SRSF5: variants seen among roughly 807,000 people sequenced by gnomAD.
SRSF5 encodes the protein serine and arginine rich splicing factor 5, also known as serine/arginine-rich splicing factor 5.
Under a neutral mutation model 34.0 loss-of-function variants are expected in SRSF5, and 5 were observed. That is an observed-to-expected ratio of 0.15 (90% CI 0.08 to 0.31). The LOEUF (loss-of-function observed/expected upper bound fraction) is 0.31, where lower values mean the gene tolerates loss of function less well. SRSF5 is among the 10% of genes least tolerant of loss of function. The pLI is 1.00. For synonymous variants in SRSF5, 164 were observed against 117.7 expected, an observed-to-expected ratio of 1.39 and a Z score of -2.55; for missense variants, 223 against 351.4, an observed-to-expected ratio of 0.63 and a Z score of 2.92.
At chr14:69,771,170 C>T in intron 7 of SRSF5, 24 bp from the exon 8 acceptor site, 3 of 1,613,720 alleles carry the variant, frequency 1.9e-6, no homozygotes, top group South Asian at 1.1e-5. Context: ...CTTATCTAGG[C>T]TGATTTCTTT....
At position 69,771,556 on chromosome 14, in the gene SRSF5, C is replaced by G; in HGVS notation, c.*95C>G. ...TGCTAAAAATTCTGGTAAGTATGTG[C>G]TTTTCTGTGGGGGTGGGATTTGGAA... On this transcript the variant is annotated 3_prime_UTR_variant, in exon 8 of 8. Coordinates refer to ENST00000557154, the MANE Select transcript of SRSF5 (RefSeq NM_001320214.2). 6 of 1,222,188 alleles carry G rather than the reference C, an allele frequency of 4.9e-6. No homozygotes were observed. The highest frequency in any genetic ancestry group is 2.6e-5 in the East Asian group (1 of 37,746). 75.7% of individuals were successfully genotyped at this position (1,222,188 alleles called of 1,614,324 possible). A position where few individuals can be genotyped will look rare whatever the true frequency, so the allele number is the denominator to read the frequency against.
At chr14:69,770,428 T>G (rs1883063490) in intron 5 of SRSF5, 39 bp from the exon 6 acceptor site, 1 of 1,604,710 alleles carries the variant, frequency 6.2e-7, no homozygotes, top group Non-Finnish European at 8.5e-7. Context: ...GTGTGTCCCC[T>G]TTCCTCTTCT....
intron 5 of SRSF5, chr14:69,769,730 C>A: frequency 2.1e-6 from 3 of 1,408,132 alleles, no homozygotes; most frequent in Non-Finnish European, 2.8e-6. Flanking sequence ...GTGATCTGAT[C>A]CCTAAGTTGA....
At chr14:69,769,727 G>A in intron 5 of SRSF5, 1 of 1,416,766 alleles carries the variant, frequency 7.1e-7, no homozygotes, top group Non-Finnish European at 9.2e-7. Flanking sequence ...AACGTGATCT[G>A]ATCCCTAAGT....
In SRSF5 at chr14:69,768,197, C is replaced by G. The variant is rs149960633; in HGVS notation, c.41C>G (p.Ala14Gly). The change falls in exon 2 of 8, where the codon GCG (alanine) becomes GGG (glycine). Residue 14 changes from alanine to glycine, a missense_variant. Ala to Gly is a moderately conservative substitution (Grantham distance 60, BLOSUM62 0). This residue lies in a region of SRSF5 where 27 missense variants were observed against 90.7 expected (regional missense o/e 0.30). Transcript: ENST00000557154. ...CRVFIGRLNP[A>G]AREKDVERFF... is the part of the protein sequence containing the mutation. ...GTATTCATCGGGAGACTAAATCCAGCGGCCAGGGAGAAGGACGTGGAAAGA... is the reference window on the plus strand; with the variant it reads ...GTATTCATCGGGAGACTAAATCCAGGGGCCAGGGAGAAGGACGTGGAAAGA... 1.9e-6 allele frequency: 3 copies of G among 1,613,984 alleles called. No homozygotes were observed. Among genetic ancestry groups the G allele is most frequent in the Non-Finnish European group, 2.5e-6 (3 of 1,180,018 alleles).
At position 69,768,787 on chromosome 14, in the gene SRSF5, C is replaced by T. The variant is rs1386339037; in HGVS notation, c.198-11C>T. The stretch of plus-strand genomic sequence containing the variant: ...AAGTGTGTAACGGAGATTTTTCTTC[C>T]CTTTTTGTAGGGTTACTATTGAACA... On this transcript the variant is annotated splice_polypyrimidine_tract_variant and intron_variant, in intron 3 of 7. Coordinates refer to ENST00000557154, the MANE Select transcript of SRSF5 (RefSeq NM_001320214.2). The T allele has an allele frequency of 6.2e-7, 1 of 1,613,762 alleles. No homozygotes were observed.
At chr14:69,767,944 G>A in intron 1 of SRSF5, 194 bp from the exon 2 acceptor site, 2 of 560,030 alleles carry the variant, frequency 3.6e-6, no homozygotes, top group Non-Finnish European at 6.3e-6. Flanking sequence ...GGGCCCAGTA[G>A]CGGACCGTGT....
intron 5 of SRSF5, chr14:69,769,709 G>A: frequency 1.4e-6 from 2 of 1,452,990 alleles, no homozygotes; most frequent in Non-Finnish European, 1.8e-6. Context: ...CGATCCCAGA[G>A]CGTTGATAAC....
At chr14:69,768,705 G>C (rs758327596) in intron 3 of SRSF5, 31 bp downstream of exon 3, 1 of 1,612,124 alleles carries the variant, frequency 6.2e-7, no homozygotes, top group East Asian at 2.2e-5. Context: ...GATAACCCTG[G>C]GACATAGAGC....
intron 3 of SRSF5, 37 bp from the exon 4 acceptor site, chr14:69,768,761 T>A: frequency 6.2e-7 from 1 of 1,612,064 alleles, no homozygotes; most frequent in Non-Finnish European, 8.5e-7. Flanking sequence ...TTATGTAGCT[T>A]AAGTGTGTAA....
intron 5 of SRSF5, chr14:69,769,576 A>G: frequency 6.5e-7 from 1 of 1,535,074 alleles, no homozygotes; most frequent in Non-Finnish European, 8.7e-7. Flanking sequence ...TGTCTTGGTC[A>G]CTCTTGGTTG....
chr14:69,767,504 C>G (rs964577152), intron 1 of SRSF5: 1 of 455,890 alleles, frequency 2.2e-6, no homozygotes, highest in Non-Finnish European at 4.4e-6. Flanking sequence ...GTCTTAATGT[C>G]TTCATCTCCT....
chr14:69,768,612 G>A lies in SRSF5; in HGVS notation c.135G>A (p.Glu45=). 1 of 1,614,110 alleles carries A rather than the reference G, an allele frequency of 6.2e-7. No homozygotes were observed. The highest frequency in any genetic ancestry group is 8.5e-7 in the Non-Finnish European group (1 of 1,179,998). The change falls in exon 3 of 8, where the codon GAG becomes GAA. Residue 45 remains glutamate (E), a synonymous_variant. Transcript: ENST00000557154. ...TTATGCTTACATTTTAGGAATTTGA[G>A]GATCCAAGGGATGCAGATGATGCTG... The part of the protein sequence containing the change: ...LKRGFGFVEF[E]DPRDADDAVY...
chr14:69,770,286 G>T, intron 5 of SRSF5, 181 bp from the exon 6 acceptor site: 3 of 1,382,098 alleles, frequency 2.2e-6, no homozygotes, highest in Non-Finnish European at 2.8e-6. Context: ...TATGCTATTT[G>T]CTTATTCCGT....
rs1000320344 is a variant in SRSF5, at chr14:69,767,144, C to T, written c.-131C>T. Reference sequence around the variant, plus strand: ...GGAGCGCCAGAGCTGCTAAGTGCGTCAGTTGTGGAGTGGCGTAGACGAGTT... The same window carrying T: ...GGAGCGCCAGAGCTGCTAAGTGCGTTAGTTGTGGAGTGGCGTAGACGAGTT... On this transcript the variant is annotated 5_prime_UTR_variant, in exon 1 of 8. Transcript: ENST00000557154. 40 of 305,450 alleles carry T rather than the reference C, an allele frequency of 1.3e-4. 1 individual carries two copies. The highest frequency in any genetic ancestry group is 8.7e-4 in the South Asian group (34 of 39,110). 18.9% of individuals were successfully genotyped at this position (305,450 alleles called of 1,614,324 possible).
chr14:69,769,631 C>G, intron 5 of SRSF5: 1 of 1,534,620 alleles, frequency 6.5e-7, no homozygotes. Flanking sequence ...GATCAGTTGG[C>G]CACCTCTAGA....
intron 6 of SRSF5, 91 bp downstream of exon 6, chr14:69,770,631 G>A: frequency 8.6e-7 from 1 of 1,169,164 alleles, no homozygotes; most frequent in Non-Finnish European, 1.3e-6. Context: ...GAATATGTTA[G>A]AATGCAGAGA....
At position 69,771,385 on chromosome 14, in the gene SRSF5, C is replaced by G. The variant is rs765005080; in HGVS notation, c.743C>G (p.Ser248Cys). The G allele has an allele frequency of 3.1e-6, 5 of 1,614,218 alleles. No homozygotes were observed. The highest frequency in any genetic ancestry group is 4.2e-6 in the Non-Finnish European group (5 of 1,180,042). Residue 248 changes from serine (S) to cysteine (C), a missense_variant, in exon 8 of 8, where the codon TCT becomes TGT. Transcript: ENST00000557154. ...CAGAAACGTGGTTCTTCAAGTAGAT[C>G]TAAGTCTCCAGCATCTGTGGATCGC... ...KSQKRGSSSR[S>C]KSPASVDRQR...
rs771739275 is a variant in SRSF5, at chr14:69,771,173, ATTTCT to A, written c.552-16_552-12del. The A allele has an allele frequency of 8.7e-6, 14 of 1,613,618 alleles. No individual in the cohort carries two copies. The highest frequency in any genetic ancestry group is 1.2e-5 in the Non-Finnish European group (14 of 1,179,808). On this transcript the variant is annotated splice_polypyrimidine_tract_variant and intron_variant, in intron 7 of 7. Transcript: ENST00000557154. ...TTGTTGTAGAGTCTTATCTAGGCTG[ATTTCT>A]TTTCATTTTTCATAGTAGGTCAAGA...
Sources: allele counts gnomAD v4.1 joint callset, GRCh38; gene constraint gnomAD v4.1.1; regional missense constraint gnomAD v4.1.1; transcripts MANE v1.5; gene names NCBI Gene and HGNC (gene_info 2026-07-23, HGNC 2026-07-21).